Variants in UGT2A3 observed in about 807,000 individuals in gnomAD.
UGT2A3 encodes the protein UDP glucuronosyltransferase family 2 member A3.
Under a neutral mutation model 44.1 loss-of-function variants are expected in UGT2A3, and 55 were observed. The observed-to-expected ratio is 1.25, with a 90% confidence interval of 1.00 to 1.56. UGT2A3 has a LOEUF of 1.56. UGT2A3 is among the 40% of genes most tolerant of loss of function. The pLI is 0.00. For missense variants in UGT2A3, 733 were observed against 621.6 expected, an observed-to-expected ratio of 1.18 and a Z score of -1.91; for synonymous variants, 243 against 215.1, an observed-to-expected ratio of 1.13 and a Z score of -1.13.
chr4:68,945,197 C>A, intron 2 of UGT2A3, 109 bp downstream of exon 2: 2 of 1,308,544 alleles, frequency 1.5e-6, no homozygotes, highest in Non-Finnish European at 2.1e-6. Flanking sequence ...TATGGAGCTG[C>A]AAACAGAAGA....
intron 2 of UGT2A3, among the ~76,000 whole-genome samples, chr4:68,934,923 GGAC>G (rs761230403): frequency 1.3e-5 from 2 of 151,304 alleles, no homozygotes; most frequent in East Asian, 2.0e-4. Flanking sequence ...GAAATGAAAA[GGAC>G]TATAAAAGGC....
intron 1 of UGT2A3, among the ~76,000 whole-genome samples, chr4:68,949,537 A>C (rs1012930863): frequency 6.6e-6 from 1 of 151,966 alleles, no homozygotes; most frequent in Non-Finnish European, 1.5e-5. Flanking sequence ...TTGAAAAAGC[A>C]TGATAAATGC....
chr4:68,932,513 T>G, intron 3 of UGT2A3, 115 bp downstream of exon 3: 1 of 1,246,496 alleles, frequency 8.0e-7, no homozygotes, highest in Non-Finnish European at 1.1e-6. Context: ...ACTATAATGT[T>G]TTGCAAATTT....
At chr4:68,938,101 A>T (rs1212440461) in intron 2 of UGT2A3, among the ~76,000 whole-genome samples, 2 of 152,068 alleles carry the variant, frequency 1.3e-5, no homozygotes, top group African/African-American at 4.8e-5. Flanking sequence ...GACCAGATGG[A>T]TTCACAGCTG....
intron 1 of UGT2A3, among the ~76,000 whole-genome samples, chr4:68,947,877 G>A (rs753549207): frequency 1.1e-4 from 16 of 151,820 alleles, no homozygotes; most frequent in Non-Finnish European, 2.2e-4. Context: ...TATTCAATAA[G>A]CCATGTCATA....
intron 2 of UGT2A3, among the ~76,000 whole-genome samples, chr4:68,938,938 G>A (rs1718075526): frequency 6.6e-6 from 1 of 151,876 alleles, no homozygotes; most frequent in Non-Finnish European, 1.5e-5. Flanking sequence ...TGATTGAACT[G>A]TCATTCACAA....
Position 68,951,307 on chromosome 4 carries a change from T to C in UGT2A3, c.454A>G (p.Ile152Val). ...NYDVMLIDPVIPCGDLMAELL... is the reference protein window; with the variant it reads ...NYDVMLIDPVVPCGDLMAELL... ...TCAGCCATCAGGTCTCCACAGGGAA[T>C]CACAGGGTCTATAAGCATTACATCG... is the stretch of plus-strand genomic sequence containing the variant. Residue 152 changes from isoleucine to valine, a missense_variant, in exon 1 of 6, where the codon ATT becomes GTT. Coordinates refer to ENST00000251566, the MANE Select transcript of UGT2A3 (RefSeq NM_024743.4). 1 of 1,612,550 alleles carries C rather than the reference T, an allele frequency of 6.2e-7. No homozygotes were observed. The highest frequency in any genetic ancestry group is 2.2e-5 in the East Asian group (1 of 44,706).
intron 2 of UGT2A3, 97 bp from the exon 3 acceptor site, chr4:68,932,856 TTAA>T (rs1195714119): frequency 1.6e-6 from 2 of 1,252,440 alleles, no homozygotes; most frequent in African/African-American, 3.1e-5. Flanking sequence ...TGAGAAATTA[TTAA>T]TGTGTAGTTA....
chr4:68,947,087 T>A (rs893673454), intron 1 of UGT2A3, among the ~76,000 whole-genome samples: 2 of 151,756 alleles, frequency 1.3e-5, no homozygotes, highest in Non-Finnish European at 2.9e-5. Context: ...GATTGTTGCA[T>A]GAATTGACTC....
chr4:68,943,965 T>G (rs527423002), intron 2 of UGT2A3, among the ~76,000 whole-genome samples: 22 of 151,958 alleles, frequency 1.4e-4, no homozygotes, highest in Non-Finnish European at 2.7e-4. Flanking sequence ...TTTTGGCACA[T>G]AGATCCCTCA....
intron 2 of UGT2A3, among the ~76,000 whole-genome samples, chr4:68,941,218 C>T (rs1718175477): frequency 6.6e-6 from 1 of 151,654 alleles, no homozygotes. Context: ...TTACCAGAGG[C>T]CAAGCAGAAG....
At chr4:68,940,439 A>T (rs1000924900) in intron 2 of UGT2A3, among the ~76,000 whole-genome samples, 1 of 152,052 alleles carries the variant, frequency 6.6e-6, no homozygotes, top group East Asian at 1.9e-4. Context: ...TCAGCAAACT[A>T]TCACAAGGAT....
chr4:68,934,735 A>G (rs960605061), intron 2 of UGT2A3, among the ~76,000 whole-genome samples: 1 of 95,716 alleles, frequency 1.0e-5, no homozygotes, highest in Non-Finnish European at 2.3e-5. Context: ...TTGATGGTGT[A>G]TGCCTGTCTC....
intron 2 of UGT2A3, among the ~76,000 whole-genome samples, chr4:68,942,131 T>C (rs1350366803): frequency 6.6e-6 from 1 of 151,710 alleles, no homozygotes; most frequent in African/African-American, 2.4e-5. Context: ...TTACTGGGTG[T>C]ATATTTAAAT....
Position 68,929,806 on chromosome 4 carries a change from G to A in UGT2A3, c.*7C>T. On this transcript the variant is annotated 3_prime_UTR_variant, in exon 6 of 6. Coordinates refer to ENST00000251566, the MANE Select transcript of UGT2A3 (RefSeq NM_024743.4). ...CCCCATCAGGTCTTTCTTGAATTTGGAAAGATCTATTCCCTCTTTTCTATC... is the reference window on the plus strand; with the variant it reads ...CCCCATCAGGTCTTTCTTGAATTTGAAAAGATCTATTCCCTCTTTTCTATC... 1.3e-6 allele frequency: 2 copies of A among 1,561,146 alleles called. No homozygotes were observed. The highest frequency in any genetic ancestry group is 8.7e-7 in the Non-Finnish European group (1 of 1,151,324).
chr4:68,941,127 G>A (rs905153071), intron 2 of UGT2A3, among the ~76,000 whole-genome samples: 3 of 151,602 alleles, frequency 2.0e-5, no homozygotes, highest in Non-Finnish European at 4.4e-5. Flanking sequence ...CCCTCTTTAT[G>A]GTTTCCTCTC....
At chr4:68,940,118 A>T (rs1023705502) in intron 2 of UGT2A3, among the ~76,000 whole-genome samples, 1 of 152,174 alleles carries the variant, frequency 6.6e-6, no homozygotes, top group South Asian at 2.1e-4. Context: ...AATTAGTTCA[A>T]CCATTGTGGA....
intron 2 of UGT2A3, 49 bp from the exon 3 acceptor site, chr4:68,932,808 T>C (rs1194066191): frequency 6.5e-7 from 1 of 1,547,062 alleles, no homozygotes; most frequent in Non-Finnish European, 8.8e-7. Context: ...ATAACAAAAA[T>C]TAAAATAAAG....
chr4:68,935,058 G>C (rs1717882406), intron 2 of UGT2A3, among the ~76,000 whole-genome samples: 2 of 151,114 alleles, frequency 1.3e-5, no homozygotes, highest in Non-Finnish European at 3.0e-5. Flanking sequence ...TAATGAAGAA[G>C]AAGTTTAAAT....
Sources: allele counts gnomAD v4.1 joint callset (sites outside exome capture counted in the v4.1 genomes callset), GRCh38; gene constraint gnomAD v4.1.1; transcripts MANE v1.5; gene names NCBI Gene and HGNC (gene_info 2026-07-23, HGNC 2026-07-21).